Variants in ASCC3 observed in about 807,000 individuals in gnomAD.
ASCC3 encodes the protein activating signal cointegrator 1 complex subunit 3.
A neutral mutation model predicts 256.3 loss-of-function variants in ASCC3; 158 were observed. The ratio of observed to expected loss-of-function variants is 0.62; its 90% CI spans 0.54 to 0.70. ASCC3 has a LOEUF of 0.70. Ranked by LOEUF, ASCC3 falls within the 30% of genes least tolerant of loss-of-function variation. The pLI is 0.00. For synonymous variants in ASCC3, 948 were observed against 883.4 expected (o/e 1.07, Z -1.30); for missense variants, 2,259 against 2,626.0 (o/e 0.86, Z 3.05).
At chr6:100,585,303 T>C (rs1771587459) in intron 36 of ASCC3, among the ~76,000 whole-genome samples, 1 of 152,190 alleles carries the variant, frequency 6.6e-6, no homozygotes, top group Non-Finnish European at 1.5e-5. Context: ...TTCTCTAAAC[T>C]TCCCTTCTCG....
At chr6:100,669,636 A>G (rs1004084057) in intron 14 of ASCC3, among the ~76,000 whole-genome samples, 8 of 151,890 alleles carry the variant, frequency 5.3e-5, no homozygotes, top group Admixed American at 5.3e-4. Flanking sequence ...GAGAAATTCT[A>G]CAACTGAAGA....
intron 37 of ASCC3, among the ~76,000 whole-genome samples, chr6:100,533,654 C>T (rs529501499): frequency 1.3e-5 from 2 of 152,266 alleles, no homozygotes; most frequent in African/African-American, 2.4e-5. Flanking sequence ...CTCCATAAGC[C>T]ATGGTTTCTC....
chr6:100,625,160 G>A (rs756435814), intron 30 of ASCC3, 32 bp downstream of exon 30: 2 of 1,609,632 alleles, frequency 1.2e-6, no homozygotes, highest in Non-Finnish European at 1.7e-6. Context: ...CCTGAAACGT[G>A]TAAGTAGTAG....
chr6:100,713,234 C>T (rs1274485792), intron 13 of ASCC3, among the ~76,000 whole-genome samples: 1 of 151,990 alleles, frequency 6.6e-6, no homozygotes, highest in Non-Finnish European at 1.5e-5. Context: ...GTGTATTACT[C>T]AATACCAAAA....
chr6:100,705,891 C>T (rs543351472), intron 13 of ASCC3, among the ~76,000 whole-genome samples: 32 of 151,932 alleles, frequency 2.1e-4, no homozygotes, highest in Admixed American at 1.6e-3. Flanking sequence ...AATAATAATG[C>T]GCTATCGTTG....
intron 27 of ASCC3, 137 bp downstream of exon 27, chr6:100,628,878 C>T: frequency 1.2e-6 from 1 of 814,664 alleles, no homozygotes; most frequent in Non-Finnish European, 1.9e-6. Flanking sequence ...AATAATTCCA[C>T]ATTATATACA....
intron 36 of ASCC3, among the ~76,000 whole-genome samples, chr6:100,552,248 A>G (rs531741450): frequency 1.3e-5 from 2 of 152,052 alleles, no homozygotes; most frequent in East Asian, 3.9e-4. Context: ...CAGTTTTCAG[A>G]TGTAAATCTT....
At chr6:100,828,959 G>A (rs897128213) in intron 4 of ASCC3, among the ~76,000 whole-genome samples, 2 of 151,990 alleles carry the variant, frequency 1.3e-5, no homozygotes, top group Admixed American at 6.5e-5. Context: ...GTTTTGACAG[G>A]GTGCTGATTG....
At chr6:100,842,513 T>C (rs1255898208) in intron 4 of ASCC3, among the ~76,000 whole-genome samples, 1 of 152,184 alleles carries the variant, frequency 6.6e-6, no homozygotes, top group Non-Finnish European at 1.5e-5. Flanking sequence ...CAAAAGTATA[T>C]ATGGGAATCT....
At chr6:100,828,579 T>C (rs1771448717) in intron 4 of ASCC3, among the ~76,000 whole-genome samples, 1 of 152,162 alleles carries the variant, frequency 6.6e-6, no homozygotes, top group Admixed American at 6.5e-5. Context: ...TCGGAGTTTC[T>C]TCCTTCTGGT....
chr6:100,767,438 T>C (rs562377939), intron 8 of ASCC3, 93 bp from the exon 9 acceptor site: 1 of 1,310,004 alleles, frequency 7.6e-7, no homozygotes, highest in African/African-American at 1.5e-5. Flanking sequence ...CTTTGTTTTT[T>C]AAAAAAAAGA....
intron 24 of ASCC3, among the ~76,000 whole-genome samples, chr6:100,639,505 T>A (rs751849786): frequency 6.6e-6 from 1 of 152,136 alleles, no homozygotes; most frequent in African/African-American, 2.4e-5. Flanking sequence ...CAGAAAGGTA[T>A]CAGTTAGAAA....
chr6:100,774,726 A>G (rs1782107041), intron 8 of ASCC3, among the ~76,000 whole-genome samples: 6 of 151,476 alleles, frequency 4.0e-5, no homozygotes, highest in Admixed American at 3.9e-4. Context: ...TGGTCTTTGA[A>G]CTCCTGGGCT....
At position 100,661,844 on chromosome 6, in the gene ASCC3, G is replaced by C; in HGVS notation, c.2665C>G (p.Gln889Glu). The C allele has an allele frequency of 6.2e-7, 1 of 1,613,224 alleles. No individual in the cohort carries two copies. The highest frequency in any genetic ancestry group is 8.5e-7 in the Non-Finnish European group (1 of 1,179,366). ...LLTQRNPIES[Q>E]FLESLADNLN... ...TTATCTGCAAGGCTTTCCAGAAACTGACTCTCAATTGGGTTTCGTTGAGTG... is the reference window on the plus strand; with the variant it reads ...TTATCTGCAAGGCTTTCCAGAAACTCACTCTCAATTGGGTTTCGTTGAGTG... Residue 889 changes from glutamine (Q) to glutamate (E), a missense_variant, in exon 16 of 42, where the codon CAG becomes GAG. Transcript: ENST00000369162.
chr6:100,821,475 T>C (rs1000301694), intron 4 of ASCC3, among the ~76,000 whole-genome samples: 4 of 152,030 alleles, frequency 2.6e-5, no homozygotes, highest in Non-Finnish European at 5.9e-5. Context: ...AATGATGAAC[T>C]GATAAATGAA....
chr6:100,596,399 A>T (rs1026523331), intron 34 of ASCC3, among the ~76,000 whole-genome samples: 2 of 152,198 alleles, frequency 1.3e-5, no homozygotes, highest in African/African-American at 4.8e-5. Context: ...TTGATGTGTT[A>T]AAGTCTCCTA....
chr6:100,534,619 C>T (rs922448314), intron 37 of ASCC3, among the ~76,000 whole-genome samples: 14 of 152,170 alleles, frequency 9.2e-5, no homozygotes, highest in African/African-American at 3.1e-4. Context: ...TTGAGATATG[C>T]ATAGTAATTT....
In ASCC3 at chr6:100,622,162, C is replaced by T. The variant is rs574414164; in HGVS notation, c.4785+3030G>A. Among the ~76,000 whole-genome samples, 5 of 152,146 alleles carry T rather than the reference C, an allele frequency of 3.3e-5. No homozygotes were observed. In the South Asian group the frequency reaches 6.2e-4, roughly 19 times the overall value. ...TACCTAGGTGATGGATTGATCTGTG[C>T]AGCAAACCACCATGACACATGTTCA... On this transcript the variant is annotated intron_variant, in intron 30 of 41. Transcript: ENST00000369162.
chr6:100,713,785 T>TAA (rs2115018477), intron 13 of ASCC3, among the ~76,000 whole-genome samples: 1 of 151,948 alleles, frequency 6.6e-6, no homozygotes, highest in Non-Finnish European at 1.5e-5. Flanking sequence ...ATATTCCCTA[T>TAA]ACAAAAAGAG....
Sources: gnomAD v4.1 joint callset for allele counts (sites outside exome capture counted in the v4.1 genomes callset) on GRCh38, gnomAD v4.1.1 for gene constraint, MANE v1.5 for transcripts, NCBI Gene and HGNC (gene_info 2026-07-23, HGNC 2026-07-21) for gene names.